The following RANBP17 variants were observed in gnomAD, a reference collection of about 807,000 sequenced individuals.
The protein encoded by RANBP17 is RAN binding protein 17, also known as ran-binding protein 17.
RANBP17 carries 158 observed loss-of-function variants against 141.2 expected under a neutral mutation model. The ratio of observed to expected loss-of-function variants is 1.12; its 90% CI spans 0.98 to 1.28. RANBP17 has a LOEUF of 1.28. RANBP17 is among the 50% of genes most tolerant of loss of function. The pLI, the probability that RANBP17 is intolerant of heterozygous loss-of-function variation, is 0.00. For synonymous variants in RANBP17, 430 were observed against 450.0 expected (o/e 0.96, Z 0.56); for missense variants, 1,438 against 1,290.7 (o/e 1.11, Z -1.75).
At chr5:171,094,890 G>C (rs113288219) in intron 14 of RANBP17, among the ~76,000 whole-genome samples, 1 of 152,130 alleles carries the variant, frequency 6.6e-6, no homozygotes, top group Admixed American at 6.5e-5. Context: ...CCCAAAGTTT[G>C]TGTGTTTGAA....
chr5:171,009,095 C>T (rs921470125), intron 14 of RANBP17, among the ~76,000 whole-genome samples: 1 of 152,318 alleles, frequency 6.6e-6, no homozygotes, highest in South Asian at 2.1e-4. Context: ...AGTCAAGAGA[C>T]TTCCTGCCTC....
chr5:171,005,991 A>G (rs1018634249), intron 14 of RANBP17, among the ~76,000 whole-genome samples: 3 of 152,240 alleles, frequency 2.0e-5, no homozygotes, highest in African/African-American at 7.2e-5. Flanking sequence ...AGACACATGA[A>G]AAAATGCTCA....
chr5:171,057,369 G>A (rs567219364), intron 14 of RANBP17, among the ~76,000 whole-genome samples: 1 of 151,922 alleles, frequency 6.6e-6, no homozygotes, highest in African/African-American at 2.4e-5. Context: ...AATAAAGTTA[G>A]CATATTTTAT....
At chr5:170,945,590 G>A (rs1029908172) in intron 12 of RANBP17, among the ~76,000 whole-genome samples, 12 of 152,226 alleles carry the variant, frequency 7.9e-5, no homozygotes, top group African/African-American at 2.6e-4. Flanking sequence ...TAGCTAAATT[G>A]TACTGCTTCC....
intron 24 of RANBP17, among the ~76,000 whole-genome samples, chr5:171,262,280 T>C (rs983520711): frequency 6.6e-6 from 1 of 152,190 alleles, no homozygotes; most frequent in Admixed American, 6.5e-5. Context: ...TGTAGAAATA[T>C]GAAGGAAAAG....
intron 18 of RANBP17, among the ~76,000 whole-genome samples, chr5:171,185,437 A>T (rs938226987): frequency 6.6e-6 from 1 of 152,180 alleles, no homozygotes. Flanking sequence ...CCACAGGAGA[A>T]CTTCTTTAAA....
intron 12 of RANBP17, among the ~76,000 whole-genome samples, chr5:170,927,081 C>A (rs2127450501): frequency 6.6e-6 from 1 of 152,142 alleles, no homozygotes; most frequent in South Asian, 2.1e-4. Flanking sequence ...TACAGATAAA[C>A]CTTGTATGTG....
intron 14 of RANBP17, among the ~76,000 whole-genome samples, chr5:171,137,973 A>G (rs2127802187): frequency 6.6e-6 from 1 of 151,132 alleles, no homozygotes; most frequent in East Asian, 1.9e-4. Flanking sequence ...ATATATATAC[A>G]CACACACTGA....
At chr5:171,252,284 TTAA>T (rs2128005313) in intron 24 of RANBP17, 1 of 1,552,548 alleles carries the variant, frequency 6.4e-7, no homozygotes, top group African/African-American at 1.4e-5. Context: ...AATGGTAATA[TTAA>T]TAATGAAAAT....
At chr5:171,221,154 G>A (rs1763530258) in intron 21 of RANBP17, among the ~76,000 whole-genome samples, 1 of 152,154 alleles carries the variant, frequency 6.6e-6, no homozygotes, top group Non-Finnish European at 1.5e-5. Flanking sequence ...CCCAACCCCA[G>A]TAGGAACCAG....
Position 171,183,187 on chromosome 5 carries a change from TTG to T in RANBP17, c.1889_1890del (p.Val630GlufsTer15). 2 of 1,570,650 alleles carry T rather than the reference TTG, an allele frequency of 1.3e-6. No homozygotes were observed. Among genetic ancestry groups the T allele is most frequent in the Non-Finnish European group, 1.8e-6 (2 of 1,140,728 alleles). ...ATTACTTATATCCTTTTAAAAAAAC[TTG>T]TGAAGATAGATGCTGTGAAATTCAT... On this transcript the variant is annotated frameshift_variant, in exon 17 of 28. Coordinates refer to ENST00000523189, the MANE Select transcript of RANBP17 (RefSeq NM_022897.5). LOFTEE classifies it high-confidence loss of function.
rs145393056 is a variant in RANBP17 at position 171,050,047 on chromosome 5, T to C, written c.1710+81670T>C. 7.6e-3 allele frequency among the ~76,000 whole-genome samples: 1,149 copies of C among 150,732 alleles called. 13 individuals are homozygous for C. Among genetic ancestry groups the C allele is most frequent in the African/African-American group, 0.027 (1,088 of 40,046 alleles). On this transcript the variant is annotated intron_variant, in intron 14 of 27. Transcript: ENST00000523189. ...ATAGGAATAGCATTGAATCTGTAAG[T>C]TGCTTTGGGCAGTATGGCCATTTTA... is the stretch of plus-strand genomic sequence containing the variant.
chr5:171,024,844 G>T (rs572877386), intron 14 of RANBP17, among the ~76,000 whole-genome samples: 1 of 150,400 alleles, frequency 6.6e-6, no homozygotes, highest in African/African-American at 2.4e-5. Context: ...TTCAATTACT[G>T]TCTATTTCCT....
At chr5:171,067,811 G>A (rs1397122289) in intron 14 of RANBP17, among the ~76,000 whole-genome samples, 1 of 152,024 alleles carries the variant, frequency 6.6e-6, no homozygotes, top group Non-Finnish European at 1.5e-5. Context: ...CTACTTTGAA[G>A]ATTTTCTTTT....
intron 20 of RANBP17, chr5:171,207,265 G>A (rs556359328): frequency 6.6e-6 from 1 of 152,456 alleles, no homozygotes; most frequent in Non-Finnish European, 1.5e-5. Flanking sequence ...TACAACTCTA[G>A]GCTATCTAGT....
chr5:170,874,295 G>T (rs1281828807), intron 1 of RANBP17, among the ~76,000 whole-genome samples: 2 of 152,166 alleles, frequency 1.3e-5, no homozygotes, highest in East Asian at 1.9e-4. Context: ...GGCACTAGAA[G>T]AATGTATATT....
intron 12 of RANBP17, among the ~76,000 whole-genome samples, chr5:170,930,863 A>G (rs575420214): frequency 2.0e-5 from 3 of 152,342 alleles, no homozygotes; most frequent in East Asian, 1.9e-4. Context: ...TAGTGCCACA[A>G]TAAACATACA....
At position 170,968,106 on chromosome 5, in the gene RANBP17, A is replaced by G. The variant is rs563341431; in HGVS notation, c.1575-136A>G. ...AGTAGGATTTCAGATGATTCAAAAA[A>G]TATTTTCTTTATATTTTTTTATTTT... On this transcript the variant is annotated intron_variant, in intron 13 of 27. Coordinates refer to ENST00000523189, the MANE Select transcript of RANBP17 (RefSeq NM_022897.5). 41 of 608,056 alleles carry G rather than the reference A, an allele frequency of 6.7e-5. No individual in the cohort carries two copies. In the South Asian group the frequency reaches 1.2e-3, roughly 17 times the overall value. The allele number at this position is 608,056 out of a possible 1,614,324, so 37.7% of individuals were successfully genotyped here. A position where few individuals can be genotyped will look rare whatever the true frequency, so the allele number is the denominator to read the frequency against.
chr5:171,243,133 G>T, intron 24 of RANBP17: 1 of 229,516 alleles, frequency 4.4e-6, no homozygotes, highest in South Asian at 1.0e-4. Flanking sequence ...CGACCAATAT[G>T]TAGCACATTT....
Sources: allele counts gnomAD v4.1 joint callset (sites outside exome capture counted in the v4.1 genomes callset), GRCh38; gene constraint gnomAD v4.1.1; transcripts MANE v1.5; gene names NCBI Gene and HGNC (gene_info 2026-07-23, HGNC 2026-07-21).